Variants in THBS2 observed in about 807,000 individuals in gnomAD.
THBS2 encodes thrombospondin 2.
A neutral mutation model predicts 135.2 loss-of-function variants in THBS2; 47 were observed. The observed-to-expected ratio is 0.35, with a 90% confidence interval of 0.28 to 0.44. The LOEUF is 0.44. Among genes scored for constraint, THBS2 ranks in the 20% least tolerant of loss-of-function variants. The pLI is 1.00. For missense variants in THBS2, 1,288 were observed against 1,603.1 expected (o/e 0.80, Z 3.36); for synonymous variants, 639 against 633.8 (o/e 1.01, Z -0.12).
At chr6:169,228,595 C>T (rs575032292) in intron 14 of THBS2, among the ~76,000 whole-genome samples, 4 of 150,652 alleles carry the variant, frequency 2.7e-5, no homozygotes, top group Admixed American at 6.6e-5. Context: ...CAGGGCCGGG[C>T]GCAGTGGCTC....
At chr6:169,238,758 T>C (rs73240180) in intron 7 of THBS2, among the ~76,000 whole-genome samples, 18,182 of 152,244 alleles carry the variant, frequency 0.12, 2,465 homozygotes, top group African/African-American at 0.33. Flanking sequence ...TCATTCTCTG[T>C]CCACATCAGA....
intron 13 of THBS2, 66 bp from the exon 14 acceptor site, chr6:169,229,745 G>A (rs1007500539): frequency 9.0e-6 from 12 of 1,340,746 alleles, no homozygotes; most frequent in Non-Finnish European, 1.3e-5. Flanking sequence ...AGGAATGCAG[G>A]TGAAATGAAA....
In THBS2 at chr6:169,220,229, G is replaced by C; in HGVS notation, c.3480C>G (p.Val1160=). The change falls in exon 21 of 22, where the codon GTC becomes GTG. Residue 1160 remains valine, a synonymous_variant. Transcript: ENST00000617924. ...LGLFVFSQEM[V]YFSDLKYECR... is the part of the protein sequence containing the mutation. Reference sequence around the variant, plus strand: ...ATTCGTACTTGAGGTCTGAGAAATAGACCATTTCTTGAGAGAAGACAAATA... The same window carrying C: ...ATTCGTACTTGAGGTCTGAGAAATACACCATTTCTTGAGAGAAGACAAATA... 6.2e-7 allele frequency: 1 copy of C among 1,613,938 alleles called. No homozygotes were observed. The highest frequency in any genetic ancestry group is 1.1e-5 in the South Asian group (1 of 91,070).
At chr6:169,217,918 T>C in intron 21 of THBS2, 89 bp from the exon 22 acceptor site, 1 of 1,200,486 alleles carries the variant, frequency 8.3e-7, no homozygotes. Flanking sequence ...ACCAGAAATA[T>C]AATTACTTTA....
intron 4 of THBS2, 50 bp downstream of exon 4, chr6:169,246,147 G>A: frequency 2.0e-6 from 3 of 1,494,416 alleles, no homozygotes; most frequent in Non-Finnish European, 2.8e-6. Flanking sequence ...TGTCACAATA[G>A]AAATCCATCC....
intron 9 of THBS2, 76 bp downstream of exon 9, chr6:169,237,094 C>CGGCT (rs1218829140): frequency 7.3e-6 from 11 of 1,502,756 alleles, no homozygotes; most frequent in Non-Finnish European, 9.8e-6. Context: ...CCCCGGATCC[C>CGGCT]GGCTCCAGCT....
intron 17 of THBS2, among the ~76,000 whole-genome samples, chr6:169,224,672 C>T (rs921250831): frequency 2.0e-5 from 3 of 152,156 alleles, no homozygotes; most frequent in African/African-American, 4.8e-5. Context: ...TCCTTGGGCC[C>T]CCGTGGCTAT....
At chr6:169,228,360 T>G in intron 14 of THBS2, 79 bp from the exon 15 acceptor site, 3 of 1,500,212 alleles carry the variant, frequency 2.0e-6, no homozygotes, top group Non-Finnish European at 2.7e-6. Flanking sequence ...ATAAGTTATG[T>G]ACTCAAGGTT....
At chr6:169,240,918 G>T (rs1314702756) in intron 5 of THBS2, among the ~76,000 whole-genome samples, 2 of 152,136 alleles carry the variant, frequency 1.3e-5, no homozygotes, top group African/African-American at 4.8e-5. Context: ...TGGGACTGGG[G>T]TGGGAACTAG....
intron 4 of THBS2, among the ~76,000 whole-genome samples, chr6:169,243,114 CTCCTACCT>C (rs1381517867): frequency 4.2e-4 from 21 of 50,160 alleles, no homozygotes; most frequent in African/African-American, 2.0e-3. Flanking sequence ...CTTCCCACCA[CTCCTACCT>C]TCCCACCTTC....
chr6:169,243,670 C>T (rs1273724039), intron 4 of THBS2, among the ~76,000 whole-genome samples: 1 of 152,190 alleles, frequency 6.6e-6, no homozygotes, highest in African/African-American at 2.4e-5. Flanking sequence ...GTGGATTTTA[C>T]CCAGCACACT....
Position 169,216,002 on chromosome 6 carries a change from C to T in THBS2, c.*1820G>A, listed in dbSNP as rs3252. On this transcript the variant is annotated 3_prime_UTR_variant, in exon 22 of 22. Transcript: ENST00000617924. Reference sequence around the variant, plus strand: ...CAAAAAATATGGTACATTCTAAATACTCACATCATCGTCACTCCCACACCA... The same window carrying T: ...CAAAAAATATGGTACATTCTAAATATTCACATCATCGTCACTCCCACACCA... 0.96 allele frequency: 145,990 copies of T among 152,470 alleles called. 69,928 individuals carry two copies. The highest frequency in any genetic ancestry group is 1 in the East Asian group (5,176 of 5,176). The allele number at this position is 152,470 out of a possible 1,614,324, so 9.4% of individuals were successfully genotyped here. A position where few individuals can be genotyped will look rare whatever the true frequency, so the allele number is the denominator to read the frequency against.
chr6:169,232,510 A>C (rs1484687094), intron 12 of THBS2, among the ~76,000 whole-genome samples, 154 bp downstream of exon 12: 1 of 152,150 alleles, frequency 6.6e-6, no homozygotes, highest in East Asian at 1.9e-4. Context: ...GCAGCGGCCC[A>C]GCCGAGCAGG....
chr6:169,219,346 G>GGAGGGATGGATGA (rs1779332805), intron 21 of THBS2, among the ~76,000 whole-genome samples: 1 of 129,050 alleles, frequency 7.7e-6, no homozygotes, highest in Non-Finnish European at 1.6e-5. Context: ...GTGGGTGGAT[G>GGAGGGATGGATGA]GATGGATGGT....
rs112758562 is a variant in THBS2 at position 169,226,337 on chromosome 6, CAGA to C, written c.2420-42_2420-40del. 3.7e-5 allele frequency: 56 copies of C among 1,514,020 alleles called. No individual in the cohort carries two copies. In the African/African-American group the frequency reaches 4.8e-4, roughly 13 times the overall value. The allele number at this position is 1,514,020 out of a possible 1,614,324, so 93.8% of individuals were successfully genotyped here. ...AAGGGGGAAGAAAACAAAAACAAACCAGAAGGACAGGTGAGTTTAGAAAAAGCA... is the reference window on the plus strand; with the variant it reads ...AAGGGGGAAGAAAACAAAAACAAACCAGGACAGGTGAGTTTAGAAAAAGCA... On this transcript the variant is annotated intron_variant, in intron 15 of 21. Coordinates refer to ENST00000617924, the MANE Select transcript of THBS2 (RefSeq NM_003247.5).
intron 9 of THBS2, among the ~76,000 whole-genome samples, chr6:169,236,482 ACACT>A (rs1780080456): frequency 2.0e-5 from 1 of 51,070 alleles, no homozygotes; most frequent in African/African-American, 5.8e-5. Flanking sequence ...CTCCCCATCC[ACACT>A]CACTCTCCAC....
In THBS2 at chr6:169,252,320, G is replaced by A. The variant is rs892791836; in HGVS notation, c.-23+1404C>T. ...CTGCATGCAGTAAGCACCACAGAAC[G>A]GTGTTAGAATACACAGCTCAGGTAC... On this transcript the variant is annotated intron_variant, in intron 1 of 21. Transcript: ENST00000617924. The surrounding 1 kb of genome is among the most constrained non-coding windows in gnomAD (Gnocchi z 4.3). Among the ~76,000 whole-genome samples the A allele has an allele frequency of 1.1e-4, 17 of 152,202 alleles. No homozygotes were observed. The highest frequency in any genetic ancestry group is 6.5e-4 in the Admixed American group (10 of 15,292).
chr6:169,217,996 ATGGG>A (rs1212596905), intron 21 of THBS2, among the ~76,000 whole-genome samples, 167 bp from the exon 22 acceptor site: 52 of 96,042 alleles, frequency 5.4e-4, no homozygotes, highest in Middle Eastern at 6.0e-3. Context: ...GATGGATGAG[ATGGG>A]TGGGTGGATG....
chr6:169,232,553 C>A, intron 12 of THBS2, 111 bp downstream of exon 12: 2 of 1,495,114 alleles, frequency 1.3e-6, no homozygotes, highest in East Asian at 2.3e-5. Context: ...CCCTCCCATG[C>A]CTCTCCCGGG....
Sources: gnomAD v4.1 joint callset for allele counts (sites outside exome capture counted in the v4.1 genomes callset) on GRCh38, gnomAD v4.1.1 for gene constraint, Gnocchi (gnomAD v3.1) non-coding constraint, MANE v1.5 for transcripts, NCBI Gene and HGNC (gene_info 2026-07-23, HGNC 2026-07-21) for gene names.